The following MYCN variants were observed in gnomAD, a reference collection of about 807,000 sequenced individuals.
MYCN encodes the protein MYCN proto-oncogene, bHLH transcription factor.
MYCN carries 3 observed loss-of-function variants against 28.1 expected under a neutral mutation model. The ratio of observed to expected loss-of-function variants is 0.11; its 90% confidence interval spans 0.05 to 0.28. MYCN has a LOEUF of 0.28. MYCN is among the 10% of genes least tolerant of loss of function. MYCN has a pLI of 1.00. For missense variants in MYCN, 572 were observed against 651.4 expected (o/e 0.88, Z 1.33); for synonymous variants, 326 against 288.3 (o/e 1.13, Z -1.32).
chr2:15,941,249 C>T lies in MYCN; in HGVS notation c.-118+506C>T, dbSNP rs1195239456. ...ATTCCCGGGAACAGGGGCTCAGCCTCTCCCTCCCTGGAAGAGGACGTTGTC... is the reference window on the plus strand; with the variant it reads ...ATTCCCGGGAACAGGGGCTCAGCCTTTCCCTCCCTGGAAGAGGACGTTGTC... On this transcript the variant is annotated intron_variant, in intron 1 of 2. Coordinates refer to ENST00000281043, the MANE Select transcript of MYCN (RefSeq NM_005378.6). This position sits in a 1 kb window ranked among gnomAD's most constrained non-coding sequence, Gnocchi z 4.8. The T allele has an allele frequency of 1.3e-5, 2 of 152,700 alleles. No homozygotes were observed. The highest frequency in any genetic ancestry group is 2.1e-4 in the South Asian group (1 of 4,834). 9.5% of individuals were successfully genotyped at this position (152,700 alleles called of 1,614,324 possible).
In MYCN at chr2:15,942,593, G is replaced by C. The variant is rs1303921953; in HGVS notation, c.529G>C (p.Ala177Pro). 5 of 1,069,734 alleles carry C rather than the reference G, an allele frequency of 4.7e-6. No individual in the cohort carries two copies. Among genetic ancestry groups the C allele is most frequent in the Non-Finnish European group, 5.6e-6 (5 of 886,708 alleles). The allele number at this position is 1,069,734 out of a possible 1,614,324, so 66.3% of individuals were successfully genotyped here. ...GAGRAGAALPAELAHPAAECV... is the reference protein window; with the variant it reads ...GAGRAGAALPPELAHPAAECV... ...CGGCCGCGCCGGGGCCGCCCTGCCC[G>C]CCGAGCTCGCCCACCCGGCCGCCGA... Residue 177 changes from alanine to proline, a missense_variant, in exon 2 of 3, where the codon GCC (alanine) becomes CCC (proline). Ala to Pro is a conservative substitution (Grantham distance 27). Transcript: ENST00000281043. The surrounding 1 kb of genome is among the most constrained non-coding windows in gnomAD (Gnocchi z 7.0).
Position 15,942,490 on chromosome 2 carries a change from C to A in MYCN, c.426C>A (p.Thr142=). Residue 142 remains threonine (T), a synonymous_variant, in exon 2 of 3, where the codon ACC becomes ACA. Transcript: ENST00000281043. This position sits in a 1 kb window ranked among gnomAD's most constrained non-coding sequence, Gnocchi z 7.0. ...EKLQHGRGPP[T]AGSTAQSPGA... The stretch of plus-strand genomic sequence containing the variant: ...TGCAGCACGGCCGCGGGCCGCCAAC[C>A]GCCGGTTCCACCGCCCAGTCCCCGG... 1.3e-6 allele frequency: 2 copies of A among 1,556,540 alleles called. No individual in the cohort carries two copies. The highest frequency in any genetic ancestry group is 8.6e-7 in the Non-Finnish European group (1 of 1,159,322).
Position 15,945,871 on chromosome 2 carries a change from AGC to A in MYCN, c.1172_1173del (p.Arg391ProfsTer24). On this transcript the variant is annotated frameshift_variant, in exon 3 of 3. Coordinates refer to ENST00000281043, the MANE Select transcript of MYCN (RefSeq NM_005378.6). LOFTEE classifies it high-confidence loss of function. The surrounding 1 kb of genome is among the most constrained non-coding windows in gnomAD (Gnocchi z 4.8). ...CGTCGCAGAAACCACAACATCCTGG[AGC>A]GCCAGCGCCGCAACGACCTTCGGTC... 6.2e-7 allele frequency: 1 copy of A among 1,614,102 alleles called. No individual in the cohort carries two copies. Among genetic ancestry groups the A allele is most frequent in the Admixed American group, 1.7e-5 (1 of 60,026 alleles).
rs906249646 is a variant in MYCN at position 15,942,480 on chromosome 2, G to A, written c.416G>A (p.Gly139Glu). 6.4e-7 allele frequency: 1 copy of A among 1,562,524 alleles called. No homozygotes were observed. Among genetic ancestry groups the A allele is most frequent in the Non-Finnish European group, 8.6e-7 (1 of 1,160,074 alleles). Residue 139 changes from glycine (G) to glutamate (E), a missense_variant, in exon 2 of 3, where the codon GGG (glycine) becomes GAG (glutamate). By Grantham distance (98) the Gly-to-Glu change is moderately conservative. This residue lies in a region of MYCN where 499 missense variants were observed against 524.3 expected (regional missense o/e 0.95). Coordinates refer to ENST00000281043, the MANE Select transcript of MYCN (RefSeq NM_005378.6). The surrounding 1 kb of genome is among the most constrained non-coding windows in gnomAD (Gnocchi z 7.0). ...AVSEKLQHGR[G>E]PPTAGSTAQS... is the part of the protein sequence containing the mutation. ...AGCGAGAAGCTGCAGCACGGCCGCG[G>A]GCCGCCAACCGCCGGTTCCACCGCC... is the stretch of plus-strand genomic sequence containing the variant.
chr2:15,942,439 G>A lies in MYCN; in HGVS notation c.375G>A (p.Lys125=), dbSNP rs1048338754. The stretch of plus-strand genomic sequence containing the variant: ...GGAGCGGCTTCTCCGCCCGCGAGAA[G>A]CTGGAGCGCGCCGTGAGCGAGAAGC... ...CMWSGFSARE[K]LERAVSEKLQ... Residue 125 remains lysine, a synonymous_variant, in exon 2 of 3, where the codon AAG becomes AAA. Transcript: ENST00000281043. This position sits in a 1 kb window ranked among gnomAD's most constrained non-coding sequence, Gnocchi z 7.0. 1.3e-6 allele frequency: 2 copies of A among 1,598,006 alleles called. No individual in the cohort carries two copies. Among genetic ancestry groups the A allele is most frequent in the East Asian group, 2.2e-5 (1 of 44,696 alleles).
intron 2 of MYCN, among the ~76,000 whole-genome samples, chr2:15,943,555 C>T (rs1238489570): frequency 6.6e-6 from 1 of 152,144 alleles, no homozygotes; most frequent in Admixed American, 6.5e-5. Flanking sequence ...GGTGGGGGCA[C>T]CCTCCCTCCC....
In MYCN at chr2:15,945,875, C is replaced by G; in HGVS notation, c.1173C>G (p.Arg391=). ...GCAGAAACCACAACATCCTGGAGCGCCAGCGCCGCAACGACCTTCGGTCCA... is the reference window on the plus strand; with the variant it reads ...GCAGAAACCACAACATCCTGGAGCGGCAGCGCCGCAACGACCTTCGGTCCA... ...ERRRNHNILE[R]QRRNDLRSSF... Residue 391 remains arginine (R), a synonymous_variant, in exon 3 of 3, where the codon CGC becomes CGG. Transcript: ENST00000281043. This position sits in a 1 kb window ranked among gnomAD's most constrained non-coding sequence, Gnocchi z 4.8. The G allele has an allele frequency of 6.2e-7, 1 of 1,614,122 alleles. No individual in the cohort carries two copies.
rs374745691 is a variant in MYCN, at chr2:15,942,175, C to G, written c.111C>G (p.Phe37Leu). ...ACCCGGACGAAGATGACTTCTACTT[C>G]GGCGGCCCCGACTCGACCCCCCCGG... Reference protein sequence around the residue: ...CFYPDEDDFYFGGPDSTPPGE... With the variant: ...CFYPDEDDFYLGGPDSTPPGE... The change falls in exon 2 of 3, where the codon TTC becomes TTG. Residue 37 changes from phenylalanine to leucine, a missense_variant. Coordinates refer to ENST00000281043, the MANE Select transcript of MYCN (RefSeq NM_005378.6). The surrounding 1 kb of genome is among the most constrained non-coding windows in gnomAD (Gnocchi z 7.0). 1 of 1,613,800 alleles carries G rather than the reference C, an allele frequency of 6.2e-7. No individual in the cohort carries two copies. Among genetic ancestry groups the G allele is most frequent in the Non-Finnish European group, 8.5e-7 (1 of 1,180,014 alleles).
At position 15,941,251 on chromosome 2, in the gene MYCN, C is replaced by G. The variant is rs111645698; in HGVS notation, c.-118+508C>G. On this transcript the variant is annotated intron_variant, in intron 1 of 2. Transcript: ENST00000281043. The surrounding 1 kb of genome is among the most constrained non-coding windows in gnomAD (Gnocchi z 4.8). ...TCCCGGGAACAGGGGCTCAGCCTCT[C>G]CCTCCCTGGAAGAGGACGTTGTCGT... 2,119 of 152,768 alleles carry G rather than the reference C, an allele frequency of 0.014. 43 individuals are homozygous for G. The highest frequency in any genetic ancestry group is 0.047 in the African/African-American group (1,961 of 41,596). The allele number at this position is 152,768 out of a possible 1,614,324, so 9.5% of individuals were successfully genotyped here. A position where few individuals can be genotyped will look rare whatever the true frequency, so the allele number is the denominator to read the frequency against.
At position 15,941,347 on chromosome 2, in the gene MYCN, G is replaced by C. The variant is rs866230872; in HGVS notation, c.-117-601G>C. ...TATTGGCAGGAGTATCCCTGCAGCG[G>C]GTGAATGCCGAGGGGCGTTTGCTCA... On this transcript the variant is annotated intron_variant, in intron 1 of 2. Coordinates refer to ENST00000281043, the MANE Select transcript of MYCN (RefSeq NM_005378.6). This position sits in a 1 kb window ranked among gnomAD's most constrained non-coding sequence, Gnocchi z 4.8. The C allele has an allele frequency of 1.3e-5, 2 of 152,762 alleles. No individual in the cohort carries two copies. Among genetic ancestry groups the C allele is most frequent in the African/African-American group, 2.4e-5 (1 of 41,610 alleles). The allele number at this position is 152,762 out of a possible 1,614,324, so 9.5% of individuals were successfully genotyped here.
In MYCN at chr2:15,941,875, AGGG is replaced by A. The variant is rs1662686708; in HGVS notation, c.-117-70_-117-68del. 1.5e-6 allele frequency: 1 copy of A among 648,348 alleles called. No individual in the cohort carries two copies. The highest frequency in any genetic ancestry group is 2.7e-6 in the Non-Finnish European group (1 of 373,594). The allele number at this position is 648,348 out of a possible 1,614,324, so 40.2% of individuals were successfully genotyped here. The stretch of plus-strand genomic sequence containing the variant: ...AGGGAAGATTGGGGAACCTGGTTAG[AGGG>A]GGCGCCCATTGCCTATCCCCTCGGT... On this transcript the variant is annotated intron_variant, in intron 1 of 2. Transcript: ENST00000281043. This position sits in a 1 kb window ranked among gnomAD's most constrained non-coding sequence, Gnocchi z 4.8.
chr2:15,944,302 G>A (rs777499876), intron 2 of MYCN, among the ~76,000 whole-genome samples: 2 of 152,134 alleles, frequency 1.3e-5, no homozygotes, highest in Non-Finnish European at 2.9e-5. Flanking sequence ...CTACCCCAGC[G>A]TGGTAGTCAA....
In MYCN at chr2:15,946,312, C is replaced by T. The variant is rs560249723; in HGVS notation, c.*215C>T. ...TGCTGGGTGGCCCTGCAGCCTCCTC[C>T]ACCTCACCTCCATGACAGCGCTAAA... On this transcript the variant is annotated 3_prime_UTR_variant, in exon 3 of 3. Transcript: ENST00000281043. 23 of 633,592 alleles carry T rather than the reference C, an allele frequency of 3.6e-5. No individual in the cohort carries two copies. The highest frequency in any genetic ancestry group is 4.2e-4 in the Middle Eastern group (1 of 2,392). 39.2% of individuals were successfully genotyped at this position (633,592 alleles called of 1,614,324 possible).
At position 15,946,155 on chromosome 2, in the gene MYCN, A is replaced by G; in HGVS notation, c.*58A>G. 1 of 1,612,100 alleles carries G rather than the reference A, an allele frequency of 6.2e-7. No individual in the cohort carries two copies. The highest frequency in any genetic ancestry group is 1.1e-5 in the South Asian group (1 of 90,852). On this transcript the variant is annotated 3_prime_UTR_variant, in exon 3 of 3. Coordinates refer to ENST00000281043, the MANE Select transcript of MYCN (RefSeq NM_005378.6). The stretch of plus-strand genomic sequence containing the variant: ...TTGCACATTTTGATTTTTTTTTTAA[A>G]CAAACATTGTGTTGACATTAAGAAT...
At chr2:15,940,941 G>A (rs1278378636) in intron 1 of MYCN, 198 bp downstream of exon 1, 10 of 395,910 alleles carry the variant, frequency 2.5e-5, no homozygotes, top group East Asian at 1.4e-4. Flanking sequence ...CCTGGCTAGA[G>A]GAGACCCGCC....
In MYCN at chr2:15,942,210, T is replaced by G. The variant is rs2103323864; in HGVS notation, c.146T>G (p.Ile49Ser). 6.2e-7 allele frequency: 1 copy of G among 1,613,400 alleles called. No individual in the cohort carries two copies. Among genetic ancestry groups the G allele is most frequent in the Non-Finnish European group, 8.5e-7 (1 of 1,179,954 alleles). Reference sequence around the variant, plus strand: ...GACTCGACCCCCCCGGGGGAGGACATCTGGAAGAAGTTTGAGCTGCTGCCC... The same window carrying G: ...GACTCGACCCCCCCGGGGGAGGACAGCTGGAAGAAGTTTGAGCTGCTGCCC... ...GPDSTPPGED[I>S]WKKFELLPTP... The change falls in exon 2 of 3, where the codon ATC becomes AGC. Residue 49 changes from isoleucine to serine, a missense_variant. This residue lies in a region of MYCN where 499 missense variants were observed against 524.3 expected (regional missense o/e 0.95). Coordinates refer to ENST00000281043, the MANE Select transcript of MYCN (RefSeq NM_005378.6). The surrounding 1 kb of genome is among the most constrained non-coding windows in gnomAD (Gnocchi z 7.0).
In MYCN at chr2:15,945,501, G is replaced by C; in HGVS notation, c.799G>C (p.Asp267His). 6.2e-7 allele frequency: 1 copy of C among 1,608,124 alleles called. No individual in the cohort carries two copies. Among genetic ancestry groups the C allele is most frequent in the Non-Finnish European group, 8.5e-7 (1 of 1,177,156 alleles). ...TAGCATCTTTCTCTCAGATGATGAA[G>C]ATGATGAAGAGGAAGATGAAGAGGA... ...EDTLSDSDDEDDEEEDEEEEI... is the reference protein window; with the variant it reads ...EDTLSDSDDEHDEEEDEEEEI... The change falls in exon 3 of 3, where the codon GAT becomes CAT. Residue 267 changes from aspartate (D) to histidine (H), a missense_variant. Physicochemically the swap from Asp to His is moderately conservative, Grantham distance 81. Transcript: ENST00000281043. This position sits in a 1 kb window ranked among gnomAD's most constrained non-coding sequence, Gnocchi z 4.8.
chr2:15,942,314 G>C lies in MYCN; in HGVS notation c.250G>C (p.Glu84Gln), dbSNP rs1662711060. ...PPSWVTEMLL[E>Q]NELWGSPAEE... ...GAGCTGGGTCACGGAGATGCTGCTT[G>C]AGAACGAGCTGTGGGGCAGCCCGGC... is the stretch of plus-strand genomic sequence containing the variant. The change falls in exon 2 of 3, where the codon GAG becomes CAG. Residue 84 changes from glutamate (E) to glutamine (Q), a missense_variant. Around this residue, in one of 3 missense-constraint regions of MYCN, gnomAD observed 499 missense variants for 524.3 expected, o/e 0.95. Coordinates refer to ENST00000281043, the MANE Select transcript of MYCN (RefSeq NM_005378.6). This position sits in a 1 kb window ranked among gnomAD's most constrained non-coding sequence, Gnocchi z 7.0. 3.7e-6 allele frequency: 6 copies of C among 1,609,204 alleles called. No homozygotes were observed. The highest frequency in any genetic ancestry group is 5.1e-6 in the Non-Finnish European group (6 of 1,178,486).
At position 15,941,714 on chromosome 2, in the gene MYCN, A is replaced by G; in HGVS notation, c.-117-234A>G. 1 of 410,970 alleles carries G rather than the reference A, an allele frequency of 2.4e-6. No individual in the cohort carries two copies. 25.5% of individuals were successfully genotyped at this position (410,970 alleles called of 1,614,324 possible). A position where few individuals can be genotyped will look rare whatever the true frequency, so the allele number is the denominator to read the frequency against. On this transcript the variant is annotated intron_variant, in intron 1 of 2. Transcript: ENST00000281043. This position sits in a 1 kb window ranked among gnomAD's most constrained non-coding sequence, Gnocchi z 4.8. ...GTTTCCAAAGTTGCGGAGCCTCGCCACCACCCCCTGCATCTGCATGCCCCC... is the reference window on the plus strand; with the variant it reads ...GTTTCCAAAGTTGCGGAGCCTCGCCGCCACCCCCTGCATCTGCATGCCCCC...
Sources: allele counts gnomAD v4.1 joint callset (sites outside exome capture counted in the v4.1 genomes callset), GRCh38; gene constraint gnomAD v4.1.1; regional missense constraint gnomAD v4.1.1; non-coding constraint Gnocchi (gnomAD v3.1); transcripts MANE v1.5; gene names NCBI Gene and HGNC (gene_info 2026-07-23, HGNC 2026-07-21).